FBXW4: variants seen among roughly 807,000 people sequenced by gnomAD.
The protein encoded by FBXW4 is F-box/WD repeat-containing protein 4.
A neutral mutation model predicts 61.8 loss-of-function variants in FBXW4; 40 were observed. The observed-to-expected ratio is 0.65, with a 90% CI of 0.50 to 0.84. The LOEUF (loss-of-function observed/expected upper bound fraction) is 0.84. FBXW4 is among the 40% of genes least tolerant of loss of function. FBXW4 has a pLI of 0.00. For missense variants in FBXW4, 672 were observed against 753.8 expected, an observed-to-expected ratio of 0.89 and a Z score of 1.27; for synonymous variants, 311 against 313.8, an observed-to-expected ratio of 0.99 and a Z score of 0.10.
chr10:101,633,499 T>C (rs1279306825), intron 5 of FBXW4, among the ~76,000 whole-genome samples: 1 of 152,156 alleles, frequency 6.6e-6, no homozygotes, highest in Non-Finnish European at 1.5e-5. Flanking sequence ...CTAATGTAGA[T>C]GATGGGTGGA....
Position 101,682,197 on chromosome 10 carries a change from T to C in FBXW4, c.726-5761A>G, listed in dbSNP as rs529473655. On this transcript the variant is annotated intron_variant, in intron 1 of 8. Transcript: ENST00000331272. ...TTCTAATTAGTTTAGTTATAACTATTAGAAATTGTTCCTCCAATATCAAAC... is the reference window on the plus strand; with the variant it reads ...TTCTAATTAGTTTAGTTATAACTATCAGAAATTGTTCCTCCAATATCAAAC... Among the ~76,000 whole-genome samples the C allele has an allele frequency of 3.3e-4, 51 of 152,364 alleles. 1 individual carries two copies. In the South Asian group the frequency reaches 0.01, roughly 30 times the overall value.
Position 101,672,171 on chromosome 10 carries a change from T to C in FBXW4, c.1140+744A>G, listed in dbSNP as rs573804460. On this transcript the variant is annotated intron_variant, in intron 4 of 8. Coordinates refer to ENST00000331272, the MANE Select transcript of FBXW4 (RefSeq NM_022039.4). ...ATACATAACAAGACACTATTGGGCC[T>C]CCTGCACCACCAACTGAATTGTCAG... Among the ~76,000 whole-genome samples the C allele has an allele frequency of 2.6e-4, 39 of 152,312 alleles. 1 individual carries two copies. The South Asian group carries it at 8.1e-3, about 32-fold the overall frequency.
chr10:101,615,434 T>C (rs2134801173), intron 6 of FBXW4, among the ~76,000 whole-genome samples: 1 of 151,924 alleles, frequency 6.6e-6, no homozygotes, highest in South Asian at 2.1e-4. Flanking sequence ...CAGGGAAACA[T>C]AAAGACAGAT....
intron 4 of FBXW4, among the ~76,000 whole-genome samples, chr10:101,671,175 C>A (rs1454756226): frequency 6.6e-6 from 1 of 152,084 alleles, no homozygotes; most frequent in Non-Finnish European, 1.5e-5. Context: ...ACAAAGGTGG[C>A]TGGATGCAAA....
At chr10:101,690,056 A>C (rs913782514) in intron 1 of FBXW4, among the ~76,000 whole-genome samples, 9 of 152,252 alleles carry the variant, frequency 5.9e-5, no homozygotes, top group Non-Finnish European at 1.0e-4. Context: ...ATTCGGGAGG[A>C]AGAGGATCAA....
chr10:101,658,399 G>C (rs2064211010), intron 5 of FBXW4, among the ~76,000 whole-genome samples: 1 of 152,072 alleles, frequency 6.6e-6, no homozygotes, highest in Non-Finnish European at 1.5e-5. Flanking sequence ...ACAAAAATTA[G>C]CCAGGCGTGG....
intron 6 of FBXW4, among the ~76,000 whole-genome samples, chr10:101,615,669 C>T (rs908973959): frequency 6.6e-6 from 1 of 152,138 alleles, no homozygotes; most frequent in Non-Finnish European, 1.5e-5. Flanking sequence ...AGGGAGAGAA[C>T]TTCCTGCCAG....
At chr10:101,691,979 TAA>T (rs980233601) in intron 1 of FBXW4, among the ~76,000 whole-genome samples, 2 of 152,036 alleles carry the variant, frequency 1.3e-5, no homozygotes, top group African/African-American at 4.8e-5. Context: ...GTATTTGCAA[TAA>T]AAACGAAATG....
intron 4 of FBXW4, among the ~76,000 whole-genome samples, chr10:101,671,606 G>A (rs1485980071): frequency 1.3e-5 from 2 of 152,132 alleles, no homozygotes; most frequent in Non-Finnish European, 2.9e-5. Flanking sequence ...AGGAACTTGA[G>A]TAAGCCTGAA....
intron 5 of FBXW4, among the ~76,000 whole-genome samples, chr10:101,640,767 C>T (rs1168056184): frequency 1.3e-5 from 2 of 151,456 alleles, no homozygotes; most frequent in Non-Finnish European, 1.5e-5. Flanking sequence ...CCACCTGCCT[C>T]GGCCTCCCAA....
intron 5 of FBXW4, among the ~76,000 whole-genome samples, chr10:101,647,047 G>A (rs2064106391): frequency 1.3e-5 from 2 of 152,162 alleles, no homozygotes; most frequent in Admixed American, 1.3e-4. Context: ...AGGACCTCAA[G>A]TTCCCCAAGT....
intron 5 of FBXW4, among the ~76,000 whole-genome samples, chr10:101,660,571 T>G (rs2064233233): frequency 6.6e-6 from 1 of 152,184 alleles, no homozygotes; most frequent in South Asian, 2.1e-4. Context: ...AAACTAATTT[T>G]AACATTAACT....
At chr10:101,629,135 G>A (rs945279427) in intron 5 of FBXW4, among the ~76,000 whole-genome samples, 4 of 152,252 alleles carry the variant, frequency 2.6e-5, no homozygotes, top group African/African-American at 7.2e-5. Context: ...CAGCCTGAAA[G>A]GCAGGTAGAT....
chr10:101,617,923 T>C (rs1043806022), intron 6 of FBXW4, among the ~76,000 whole-genome samples: 1 of 152,154 alleles, frequency 6.6e-6, no homozygotes, highest in African/African-American at 2.4e-5. Flanking sequence ...CTATCAGTAA[T>C]GCTTTCAAAG....
intron 2 of FBXW4, among the ~76,000 whole-genome samples, chr10:101,674,426 A>G (rs540117603): frequency 2.3e-4 from 35 of 152,324 alleles, no homozygotes; most frequent in Admixed American, 7.2e-4. Context: ...GGAAGTTTCA[A>G]GGTTCTAGGA....
intron 1 of FBXW4, among the ~76,000 whole-genome samples, chr10:101,684,132 T>G (rs1313402191): frequency 6.6e-6 from 1 of 151,954 alleles, no homozygotes; most frequent in Non-Finnish European, 1.5e-5. Flanking sequence ...ACCCAGCTAA[T>G]TTTTTATTTT....
intron 5 of FBXW4, among the ~76,000 whole-genome samples, chr10:101,665,847 G>A (rs1320423211): frequency 6.6e-6 from 1 of 152,158 alleles, no homozygotes; most frequent in Non-Finnish European, 1.5e-5. Flanking sequence ...GTTGGGTAGG[G>A]ATGCAGGGCA....
chr10:101,677,697 G>C (rs1269352119), intron 1 of FBXW4, among the ~76,000 whole-genome samples: 1 of 151,862 alleles, frequency 6.6e-6, no homozygotes, highest in East Asian at 1.9e-4. Context: ...AAGATGGGAG[G>C]ATCACTTGAG....
At chr10:101,645,978 T>A (rs1170904921) in intron 5 of FBXW4, among the ~76,000 whole-genome samples, 3 of 152,144 alleles carry the variant, frequency 2.0e-5, no homozygotes, top group African/African-American at 7.2e-5. Flanking sequence ...ATGATGATGG[T>A]ACCTATCTGG....
Sources: allele counts gnomAD v4.1 joint callset (sites outside exome capture counted in the v4.1 genomes callset), GRCh38; gene constraint gnomAD v4.1.1; transcripts MANE v1.5; gene names NCBI Gene and HGNC (gene_info 2026-07-23, HGNC 2026-07-21).